The following CORIN variants were observed in gnomAD, a reference collection of about 807,000 sequenced individuals.
CORIN encodes atrial natriuretic peptide-converting enzyme.
A neutral mutation model predicts 125.3 loss-of-function variants in CORIN; 117 were observed. That is an observed-to-expected ratio of 0.93 (90% CI 0.80 to 1.09). The LOEUF (loss-of-function observed/expected upper bound fraction) is 1.09. Among genes scored for constraint, CORIN ranks in the 50% least tolerant of loss-of-function variants. The pLI, the probability that CORIN is intolerant of heterozygous loss-of-function variation, is 0.00. For synonymous variants in CORIN, 450 were observed against 466.4 expected (o/e 0.96, Z 0.45); for missense variants, 1,253 against 1,306.7 (o/e 0.96, Z 0.63).
rs1376561527 is a variant in CORIN at position 47,603,503 on chromosome 4, G to A, written c.2706C>T (p.Ile902=). 1.2e-6 allele frequency: 2 copies of A among 1,614,168 alleles called. No homozygotes were observed. The highest frequency in any genetic ancestry group is 1.7e-6 in the Non-Finnish European group (2 of 1,180,032). The change falls in exon 20 of 22, where the codon ATC becomes ATT. Residue 902 remains isoleucine, a synonymous_variant. Transcript: ENST00000273857. ...CAGGCCGGACGTAGCCAGTCTCACT[G>A]ATGTCTTCACTCAGCTCAACGATGC... ...DISIVELSED[I]SETGYVRPVC...
chr4:47,682,320 T>C (rs1371061940), intron 7 of CORIN: 1 of 151,810 alleles, frequency 6.6e-6, no homozygotes, highest in Non-Finnish European at 1.5e-5. Flanking sequence ...CACACACCTG[T>C]AGTCCCAAGT....
rs575734848 is a variant in CORIN at position 47,811,381 on chromosome 4, C to T, written c.64-4334G>A. Among the ~76,000 whole-genome samples the T allele has an allele frequency of 2.0e-5, 3 of 152,266 alleles. No homozygotes were observed. The South Asian group carries it at 6.2e-4, about 32-fold the overall frequency. On this transcript the variant is annotated intron_variant, in intron 1 of 21. Transcript: ENST00000273857. ...TCCATTTTATCAAGTTTGCAAAGGTCAAGGAGATTATAGTTGACATTTCAA... is the reference window on the plus strand; with the variant it reads ...TCCATTTTATCAAGTTTGCAAAGGTTAAGGAGATTATAGTTGACATTTCAA...
chr4:47,826,960 T>C (rs536137549), intron 1 of CORIN, among the ~76,000 whole-genome samples: 15 of 152,380 alleles, frequency 9.8e-5, no homozygotes, highest in African/African-American at 3.6e-4. Flanking sequence ...ATAATTTTTA[T>C]GTTGATTACA....
chr4:47,761,028 G>T (rs1418988055), intron 4 of CORIN, among the ~76,000 whole-genome samples: 1 of 152,170 alleles, frequency 6.6e-6, no homozygotes, highest in African/African-American at 2.4e-5. Flanking sequence ...TTAGGCTTTG[G>T]CTTAAGAGAA....
intron 6 of CORIN, among the ~76,000 whole-genome samples, chr4:47,692,051 T>A (rs1220584413): frequency 6.6e-6 from 1 of 150,488 alleles, no homozygotes; most frequent in African/African-American, 2.5e-5. Context: ...AGAACTCAGA[T>A]GAAAGATGAG....
chr4:47,771,751 T>C (rs949172310), intron 3 of CORIN, among the ~76,000 whole-genome samples: 2 of 152,208 alleles, frequency 1.3e-5, no homozygotes, highest in African/African-American at 4.8e-5. Flanking sequence ...ACAGTAACTA[T>C]TCTACTTCTC....
intron 16 of CORIN, among the ~76,000 whole-genome samples, chr4:47,641,033 T>C (rs10212955): frequency 0.26 from 39,758 of 151,912 alleles, 5,435 homozygotes; most frequent in Admixed American, 0.36. Flanking sequence ...TTCCTAAAGA[T>C]GTTGGTCTTC....
At chr4:47,825,090 GC>G (rs2109981275) in intron 1 of CORIN, among the ~76,000 whole-genome samples, 1 of 152,334 alleles carries the variant, frequency 6.6e-6, no homozygotes, top group African/African-American at 2.4e-5. Context: ...GACTTGAGAA[GC>G]TCAGAATTGT....
intron 5 of CORIN, chr4:47,706,702 T>G (rs1311156612): frequency 6.2e-7 from 1 of 1,607,192 alleles, no homozygotes; most frequent in East Asian, 2.2e-5. Flanking sequence ...GACGCCACTG[T>G]GGGGCTCTGG....
chr4:47,830,782 A>C (rs1732949409), intron 1 of CORIN, among the ~76,000 whole-genome samples: 1 of 152,228 alleles, frequency 6.6e-6, no homozygotes, highest in Non-Finnish European at 1.5e-5. Flanking sequence ...TTGGAGTCTC[A>C]GATTAAGATT....
intron 16 of CORIN, among the ~76,000 whole-genome samples, chr4:47,633,402 C>T (rs1315261252): frequency 2.6e-5 from 4 of 151,518 alleles, no homozygotes; most frequent in African/African-American, 9.7e-5. Context: ...AATAAAGCAC[C>T]ATTTAAAATA....
intron 7 of CORIN, chr4:47,681,417 GC>G (rs1725273714): frequency 1.3e-5 from 2 of 152,188 alleles, no homozygotes; most frequent in African/African-American, 4.8e-5. Flanking sequence ...CTTCATGATA[GC>G]CTGCTATCTT....
At chr4:47,650,941 G>T (rs1046525475) in intron 13 of CORIN, among the ~76,000 whole-genome samples, 1 of 152,084 alleles carries the variant, frequency 6.6e-6, no homozygotes, top group Non-Finnish European at 1.5e-5. Flanking sequence ...GTTTACATTG[G>T]CAATTACACA....
At chr4:47,667,129 G>A (rs555390587) in intron 10 of CORIN, among the ~76,000 whole-genome samples, 2 of 152,186 alleles carry the variant, frequency 1.3e-5, no homozygotes, top group African/African-American at 4.8e-5. Flanking sequence ...TTTTATAAGG[G>A]GTTTCACCTT....
chr4:47,646,390 TTAA>T (rs1723485724), intron 13 of CORIN, among the ~76,000 whole-genome samples: 1 of 152,180 alleles, frequency 6.6e-6, no homozygotes, highest in African/African-American at 2.4e-5. Context: ...ACTTCATCAA[TTAA>T]TAAGAGAAAT....
intron 1 of CORIN, among the ~76,000 whole-genome samples, chr4:47,825,697 C>CTTTT (rs759495221): frequency 3.0e-5 from 4 of 134,790 alleles, no homozygotes; most frequent in African/African-American, 5.5e-5. Flanking sequence ...CAAACCACTG[C>CTTTT]TTTTTTTTTT....
chr4:47,829,002 C>T (rs944051825), intron 1 of CORIN, among the ~76,000 whole-genome samples: 2 of 151,520 alleles, frequency 1.3e-5, no homozygotes, highest in Non-Finnish European at 2.9e-5. Flanking sequence ...ACTAAAAATA[C>T]AAAAAATTAG....
At chr4:47,599,889 T>A (rs993418512) in intron 21 of CORIN, among the ~76,000 whole-genome samples, 1 of 152,186 alleles carries the variant, frequency 6.6e-6, no homozygotes, top group Non-Finnish European at 1.5e-5. Flanking sequence ...TACTAGCTCC[T>A]CTTAGAACCT....
chr4:47,721,732 A>T (rs1366475223), intron 5 of CORIN, among the ~76,000 whole-genome samples: 1 of 152,232 alleles, frequency 6.6e-6, no homozygotes, highest in Admixed American at 6.5e-5. Context: ...GGGAGGAGTA[A>T]ATAAGAACAT....
Sources: gnomAD v4.1 joint callset for allele counts (sites outside exome capture counted in the v4.1 genomes callset) on GRCh38, gnomAD v4.1.1 for gene constraint, MANE v1.5 for transcripts, NCBI Gene and HGNC (gene_info 2026-07-23, HGNC 2026-07-21) for gene names.